The following LRP8 variants were observed in gnomAD, a reference collection of about 807,000 sequenced individuals.
The protein encoded by LRP8 is low-density lipoprotein receptor-related protein 8.
A neutral mutation model predicts 111.6 loss-of-function variants in LRP8; 46 were observed. That is an observed-to-expected ratio of 0.41 (90% CI 0.33 to 0.53). The LOEUF is 0.53. Among genes scored for constraint, LRP8 ranks in the 20% least tolerant of loss-of-function variants. The probability of loss-of-function intolerance (pLI) is 0.20; values close to 1 mark genes in which losing one functional copy is unlikely to be tolerated. For synonymous variants in LRP8, 464 were observed against 511.2 expected (o/e 0.91, Z 1.24); for missense variants, 959 against 1,297.4 (o/e 0.74, Z 4.01).
chr1:53,295,303 C>A (rs555602415), intron 2 of LRP8, among the ~76,000 whole-genome samples: 3 of 152,090 alleles, frequency 2.0e-5, no homozygotes, highest in African/African-American at 7.2e-5. Flanking sequence ...CATGGAGGAG[C>A]GAGCAGAGTG....
rs530680022 is a variant in LRP8, at chr1:53,246,650, G to C, written c.*368C>G. On this transcript the variant is annotated 3_prime_UTR_variant, in exon 19 of 19. Transcript: ENST00000306052. Reference sequence around the variant, plus strand: ...CCCAAAACCTAAAAAAGCCCCCCCAGCAACCAAACATCTTCTGTAAATATA... The same window carrying C: ...CCCAAAACCTAAAAAAGCCCCCCCACCAACCAAACATCTTCTGTAAATATA... The C allele has an allele frequency of 1.5e-4, 25 of 171,692 alleles. No homozygotes were observed. Among genetic ancestry groups the C allele is most frequent in the Non-Finnish European group, 2.0e-4 (16 of 81,916 alleles). The allele number at this position is 171,692 out of a possible 1,614,324, so 10.6% of individuals were successfully genotyped here.
rs1304144599 is a variant in LRP8 at position 53,246,926 on chromosome 1, A to G, written c.*92T>C. The G allele has an allele frequency of 8.5e-7, 1 of 1,172,364 alleles. No individual in the cohort carries two copies. Among genetic ancestry groups the G allele is most frequent in the Non-Finnish European group, 1.2e-6 (1 of 802,438 alleles). 72.6% of individuals were successfully genotyped at this position (1,172,364 alleles called of 1,614,324 possible). A position where few individuals can be genotyped will look rare whatever the true frequency, so the allele number is the denominator to read the frequency against. ...CACACACATACACTCACACAGACCCATATATAGAAACCCATTCATCCAGTC... is the reference window on the plus strand; with the variant it reads ...CACACACATACACTCACACAGACCCGTATATAGAAACCCATTCATCCAGTC... On this transcript the variant is annotated 3_prime_UTR_variant, in exon 19 of 19. Coordinates refer to ENST00000306052, the MANE Select transcript of LRP8 (RefSeq NM_004631.5).
intron 2 of LRP8, among the ~76,000 whole-genome samples, chr1:53,292,889 T>C (rs764402018): frequency 1.3e-4 from 20 of 152,202 alleles, no homozygotes; most frequent in South Asian, 2.1e-4. Context: ...CAGTACCAAA[T>C]GTGGAAGAAA....
In LRP8 at chr1:53,276,992, C is replaced by T. The variant is rs1339136032; in HGVS notation, c.583G>A (p.Gly195Ser). ...TCTGCACAGCCGCGCTCATCGCTGC[C>T]GTCACCACAGTCGTCGTCGCCGTCG... is the stretch of plus-strand genomic sequence containing the variant. Reference protein sequence around the residue: ...VCDGDDDCGDGSDERGCADPA... With the variant: ...VCDGDDDCGDSSDERGCADPA... Residue 195 changes from glycine (G) to serine (S), a missense_variant, in exon 5 of 19, where the codon GGC becomes AGC. Physicochemically the swap from Gly to Ser is moderately conservative, Grantham distance 56 (BLOSUM62 0). Coordinates refer to ENST00000306052, the MANE Select transcript of LRP8 (RefSeq NM_004631.5). 4.6e-6 allele frequency: 7 copies of T among 1,514,130 alleles called. No homozygotes were observed. In the African/African-American group the frequency reaches 5.7e-5, roughly 12 times the overall value. 93.8% of individuals were successfully genotyped at this position (1,514,130 alleles called of 1,614,324 possible).
chr1:53,252,156 T>G lies in LRP8; in HGVS notation c.2504-1294A>C, dbSNP rs150792381. Among the ~76,000 whole-genome samples, 328 of 152,132 alleles carry G rather than the reference T, an allele frequency of 2.2e-3. 2 individuals carry two copies. Among genetic ancestry groups the G allele is most frequent in the African/African-American group, 7.1e-3 (296 of 41,492 alleles). On this transcript the variant is annotated intron_variant, in intron 16 of 18. Transcript: ENST00000306052. ...CTCTTAAGAGAAGCTGGTGAAAAAC[T>G]ATCAGAAATAATTTTAGTTAATCAA...
At position 53,311,705 on chromosome 1, in the gene LRP8, G is replaced by A. The variant is rs923331326; in HGVS notation, c.244+15168C>T. Among the ~76,000 whole-genome samples, 7 of 152,020 alleles carry A rather than the reference G, an allele frequency of 4.6e-5. No homozygotes were observed. In the East Asian group the frequency reaches 5.8e-4, roughly 13 times the overall value. On this transcript the variant is annotated intron_variant, in intron 2 of 18. Transcript: ENST00000306052. ...ATCTCTCCCTACTGATGAAGACATCGACAGAGTGGGCATAGGGAGGGGAAG... is the reference window on the plus strand; with the variant it reads ...ATCTCTCCCTACTGATGAAGACATCAACAGAGTGGGCATAGGGAGGGGAAG...
Position 53,257,505 on chromosome 1 carries a change from T to G in LRP8, c.2210-41A>C, listed in dbSNP as rs745476011. On this transcript the variant is annotated intron_variant, in intron 14 of 18. Transcript: ENST00000306052. ...CATGGAGGTCACTTGGACAGATAAT[T>G]TTGTTGCCTAAGGTATTGCCTCTGA... is the stretch of plus-strand genomic sequence containing the variant. 2.0e-6 allele frequency: 3 copies of G among 1,533,130 alleles called. No homozygotes were observed. The East Asian group carries it at 6.8e-5, about 35-fold the overall frequency. The allele number at this position is 1,533,130 out of a possible 1,614,324, so 95.0% of individuals were successfully genotyped here.
At chr1:53,306,085 A>C (rs77088158) in intron 2 of LRP8, 1 of 152,252 alleles carries the variant, frequency 6.6e-6, no homozygotes, top group African/African-American at 2.4e-5. Context: ...TCTGATCCAC[A>C]GCCTCATCAT....
At chr1:53,286,872 A>G (rs1332250027) in intron 3 of LRP8, among the ~76,000 whole-genome samples, 2 of 152,264 alleles carry the variant, frequency 1.3e-5, no homozygotes, top group Non-Finnish European at 2.9e-5. Flanking sequence ...TAATACAAAT[A>G]ACACTGCCAT....
At chr1:53,300,841 G>C (rs994263845) in intron 2 of LRP8, among the ~76,000 whole-genome samples, 1 of 152,200 alleles carries the variant, frequency 6.6e-6, no homozygotes, top group East Asian at 1.9e-4. Context: ...GGGAGCCCTG[G>C]CTACCCCTCC....
rs1384694998 is a variant in LRP8, at chr1:53,275,767, G to T, written c.884-14C>A. On this transcript the variant is annotated splice_polypyrimidine_tract_variant and intron_variant, in intron 5 of 18. Coordinates refer to ENST00000306052, the MANE Select transcript of LRP8 (RefSeq NM_004631.5). The surrounding 1 kb of genome is among the most constrained non-coding windows in gnomAD (Gnocchi z 4.4). ...AGGTGCCCAGTGCTGCCAGGAGAGG[G>T]CAAGGGGAGAGGATCAGAGTCAGTG... 6.2e-7 allele frequency: 1 copy of T among 1,613,576 alleles called. No individual in the cohort carries two copies. Among genetic ancestry groups the T allele is most frequent in the Non-Finnish European group, 8.5e-7 (1 of 1,179,818 alleles).
At chr1:53,265,092 G>A (rs1646500923) in intron 9 of LRP8, among the ~76,000 whole-genome samples, 1 of 152,136 alleles carries the variant, frequency 6.6e-6, no homozygotes, top group African/African-American at 2.4e-5. Context: ...ACAGCATCTG[G>A]GTGGGAGATT....
At chr1:53,284,642 T>C (rs1647294893) in intron 3 of LRP8, among the ~76,000 whole-genome samples, 1 of 152,238 alleles carries the variant, frequency 6.6e-6, no homozygotes, top group Admixed American at 6.5e-5. Flanking sequence ...ATATAGTTAA[T>C]TGCATAACCT....
In LRP8 at chr1:53,262,111, G is replaced by C; in HGVS notation, c.1871C>G (p.Ser624Cys). Residue 624 changes from serine to cysteine, a missense_variant, in exon 12 of 19, where the codon TCC (serine) becomes TGC (cysteine). Ser to Cys is a moderately radical substitution (Grantham distance 112). This residue lies in a region of LRP8 where 819 missense variants were observed against 1,097.6 expected (regional missense o/e 0.75). Transcript: ENST00000306052. This position sits in a 1 kb window ranked among gnomAD's most constrained non-coding sequence, Gnocchi z 4.8. ...SGGNRKTLIS[S>C]TDFLSHPFGI... ...AAAAGGGTGGCTCAGGAAGTCAGTGGAGGAGATCAGCGTCTTTCTGTTGCC... is the reference window on the plus strand; with the variant it reads ...AAAAGGGTGGCTCAGGAAGTCAGTGCAGGAGATCAGCGTCTTTCTGTTGCC... 6.2e-7 allele frequency: 1 copy of C among 1,614,154 alleles called. No homozygotes were observed. Among genetic ancestry groups the C allele is most frequent in the Non-Finnish European group, 8.5e-7 (1 of 1,180,026 alleles).
chr1:53,252,785 A>G (rs901883427), intron 16 of LRP8, among the ~76,000 whole-genome samples: 3 of 152,238 alleles, frequency 2.0e-5, no homozygotes, highest in African/African-American at 7.2e-5. Flanking sequence ...CAATCTTGAT[A>G]AAAACTTCAC....
intron 9 of LRP8, among the ~76,000 whole-genome samples, chr1:53,265,109 G>A (rs181682250): frequency 6.6e-6 from 1 of 152,270 alleles, no homozygotes; most frequent in East Asian, 1.9e-4. Flanking sequence ...GATTAAGAGA[G>A]TCTGAAGAAT....
At chr1:53,277,101 C>G (rs1646948509) in intron 4 of LRP8, 23 bp from the exon 5 acceptor site, 1 of 1,463,064 alleles carries the variant, frequency 6.8e-7, no homozygotes, top group Non-Finnish European at 9.0e-7. Context: ...GAGAGCCGGT[C>G]GGCCCGCCGA....
At chr1:53,254,614 C>T (rs948971042) in intron 16 of LRP8, among the ~76,000 whole-genome samples, 12 of 152,168 alleles carry the variant, frequency 7.9e-5, no homozygotes, top group African/African-American at 1.7e-4. Flanking sequence ...TCTTATTCAT[C>T]TTTAACTGCC....
In LRP8 at chr1:53,327,006, G is replaced by A. The variant is rs1388245788; in HGVS notation, c.125-14C>T. The stretch of plus-strand genomic sequence containing the variant: ...CCTTGGCCGGCCCTGCGAGGGGGAG[G>A]GAGCGTGAGCTGGATCAGCGGACTC... On this transcript the variant is annotated splice_polypyrimidine_tract_variant and intron_variant, in intron 1 of 18. Transcript: ENST00000306052. 1.2e-5 allele frequency: 19 copies of A among 1,611,246 alleles called. No homozygotes were observed. The highest frequency in any genetic ancestry group is 1.6e-5 in the Non-Finnish European group (19 of 1,179,770).
Sources: gnomAD v4.1 joint callset for allele counts (sites outside exome capture counted in the v4.1 genomes callset) on GRCh38, gnomAD v4.1.1 for gene constraint, gnomAD v4.1.1 regional missense constraint, Gnocchi (gnomAD v3.1) non-coding constraint, MANE v1.5 for transcripts, NCBI Gene and HGNC (gene_info 2026-07-23, HGNC 2026-07-21) for gene names.